Variants in ELMO1 observed in about 807,000 individuals in gnomAD.
The protein encoded by ELMO1 is engulfment and cell motility protein 1.
ELMO1 carries 26 observed loss-of-function variants against 98.9 expected under a neutral mutation model. The observed-to-expected ratio is 0.26, with a 90% confidence interval of 0.19 to 0.36. The LOEUF (loss-of-function observed/expected upper bound fraction) is 0.36. ELMO1 is among the 10% of genes least tolerant of loss of function. The pLI, the probability that ELMO1 is intolerant of heterozygous loss-of-function variation, is 1.00. For synonymous variants in ELMO1, 346 were observed against 346.0 expected (o/e 1.00, Z 0.00); for missense variants, 627 against 935.2 (o/e 0.67, Z 4.30).
At chr7:37,408,539 A>G (rs904519819) in intron 1 of ELMO1, among the ~76,000 whole-genome samples, 1 of 152,220 alleles carries the variant, frequency 6.6e-6, no homozygotes, top group Non-Finnish European at 1.5e-5. Context: ...AGGGATAAAG[A>G]AACGGTAGGA....
At position 37,365,357 on chromosome 7, in the gene ELMO1, G is replaced by A. The variant is rs1164395989; in HGVS notation, c.-73-22594C>T. 2.6e-5 allele frequency among the ~76,000 whole-genome samples: 4 copies of A among 152,158 alleles called. No individual in the cohort carries two copies. The East Asian group carries it at 5.8e-4, about 22-fold the overall frequency. ...GATAAGAGTGGACCCAGGAGCTTCC[G>A]AGCTCCACAGAGTCAACCCTGTACC... On this transcript the variant is annotated intron_variant, in intron 1 of 21. Coordinates refer to ENST00000310758, the MANE Select transcript of ELMO1 (RefSeq NM_014800.11).
intron 1 of ELMO1, among the ~76,000 whole-genome samples, chr7:37,382,870 T>A (rs568964941): frequency 5.6e-4 from 85 of 152,290 alleles, no homozygotes; most frequent in African/African-American, 2.0e-3. Flanking sequence ...CTGTTTGCTA[T>A]CTCTTGTTAA....
intron 1 of ELMO1, among the ~76,000 whole-genome samples, chr7:37,376,607 G>A (rs532167441): frequency 5.6e-4 from 85 of 152,160 alleles, no homozygotes; most frequent in Non-Finnish European, 7.4e-4. Context: ...CTGACTCAGC[G>A]CATGAAGACA....
At chr7:36,911,263 C>A (rs1784322558) in intron 16 of ELMO1, among the ~76,000 whole-genome samples, 1 of 151,934 alleles carries the variant, frequency 6.6e-6, no homozygotes, top group African/African-American at 2.4e-5. Context: ...CGCTGCCCCA[C>A]CTAAAGAATA....
chr7:37,188,487 T>TAAAAAAAAA (rs869157346), intron 13 of ELMO1, among the ~76,000 whole-genome samples: 1 of 32,046 alleles, frequency 3.1e-5, no homozygotes, highest in African/African-American at 8.3e-5. Context: ...TGGAGAAAGG[T>TAAAAAAAAA]AAAAAAAAAA....
intron 14 of ELMO1, among the ~76,000 whole-genome samples, chr7:37,114,441 G>C (rs777887931): frequency 6.6e-6 from 1 of 152,168 alleles, no homozygotes; most frequent in Non-Finnish European, 1.5e-5. Context: ...GGGTTAGTTT[G>C]TTGGTAACTG....
At chr7:37,277,234 T>C (rs146974875) in intron 4 of ELMO1, among the ~76,000 whole-genome samples, 15 of 152,374 alleles carry the variant, frequency 9.8e-5, no homozygotes, top group Non-Finnish European at 1.5e-4. Context: ...ATCTGTACCA[T>C]GGCAGAGACC....
intron 15 of ELMO1, among the ~76,000 whole-genome samples, chr7:37,016,938 T>C (rs1793976649): frequency 6.6e-6 from 1 of 152,102 alleles, no homozygotes; most frequent in Non-Finnish European, 1.5e-5. Context: ...TAACCCTGCC[T>C]CCAATGCACC....
At chr7:37,416,748 T>C (rs1583720353) in intron 1 of ELMO1, among the ~76,000 whole-genome samples, 1 of 151,890 alleles carries the variant, frequency 6.6e-6, no homozygotes, top group East Asian at 1.9e-4. Context: ...TTCATTTATT[T>C]CTGTTATAGG....
At chr7:37,221,429 C>T (rs1793589541) in intron 10 of ELMO1, among the ~76,000 whole-genome samples, 1 of 152,186 alleles carries the variant, frequency 6.6e-6, no homozygotes, top group African/African-American at 2.4e-5. Flanking sequence ...AGCATAGTTT[C>T]TAGGTGAGTG....
chr7:37,239,846 G>C (rs1794667568), intron 7 of ELMO1, among the ~76,000 whole-genome samples: 1 of 152,156 alleles, frequency 6.6e-6, no homozygotes, highest in Non-Finnish European at 1.5e-5. Context: ...GCTGCCTTTG[G>C]AGAGTACTGA....
At chr7:37,361,908 G>A (rs1221680443) in intron 1 of ELMO1, among the ~76,000 whole-genome samples, 2 of 152,170 alleles carry the variant, frequency 1.3e-5, no homozygotes, top group Non-Finnish European at 2.9e-5. Flanking sequence ...GTTGCAGTGA[G>A]CAGAGGTTGC....
intron 16 of ELMO1, among the ~76,000 whole-genome samples, chr7:36,963,150 C>T (rs930155940): frequency 1.3e-5 from 2 of 151,484 alleles, no homozygotes; most frequent in South Asian, 2.1e-4. Flanking sequence ...TTTGGGAGGC[C>T]GAGGTGGGCA....
intron 13 of ELMO1, among the ~76,000 whole-genome samples, chr7:37,200,960 T>A (rs80237146): frequency 6.2e-5 from 9 of 146,068 alleles, no homozygotes; most frequent in East Asian, 2.0e-4. Context: ...AAAAAAAAAA[T>A]ACAAATAAAA....
At chr7:37,250,589 A>T (rs1795290560) in intron 6 of ELMO1, among the ~76,000 whole-genome samples, 1 of 152,026 alleles carries the variant, frequency 6.6e-6, no homozygotes, top group African/African-American at 2.4e-5. Flanking sequence ...TCAGGAGATC[A>T]AGACCATCCT....
intron 4 of ELMO1, among the ~76,000 whole-genome samples, chr7:37,284,251 C>T (rs1477043595): frequency 2.0e-5 from 3 of 152,136 alleles, no homozygotes; most frequent in Non-Finnish European, 2.9e-5. Flanking sequence ...GGACCCAGGG[C>T]CATAGGTCAG....
chr7:37,257,949 C>T (rs529882412), intron 6 of ELMO1, among the ~76,000 whole-genome samples: 191 of 151,994 alleles, frequency 1.3e-3, no homozygotes, highest in Middle Eastern at 3.4e-3. Context: ...GCCTGGCCAA[C>T]GTGGTAAAAC....
chr7:37,309,179 A>G (rs564737790), intron 4 of ELMO1, among the ~76,000 whole-genome samples: 5 of 152,350 alleles, frequency 3.3e-5, no homozygotes, highest in African/African-American at 1.2e-4. Flanking sequence ...AGGCCTCACA[A>G]TCATGGTGGA....
chr7:37,295,145 A>G (rs1350770057), intron 4 of ELMO1, among the ~76,000 whole-genome samples: 1 of 152,224 alleles, frequency 6.6e-6, no homozygotes. Flanking sequence ...TATGTAGAAA[A>G]CCTATAAAAC....
Sources: gnomAD v4.1 joint callset for allele counts (sites outside exome capture counted in the v4.1 genomes callset) on GRCh38, gnomAD v4.1.1 for gene constraint, MANE v1.5 for transcripts, NCBI Gene and HGNC (gene_info 2026-07-23, HGNC 2026-07-21) for gene names.